BCAS3: variants seen among roughly 807,000 people sequenced by gnomAD.
The protein encoded by BCAS3 is BCAS3 microtubule associated cell migration factor.
Under a neutral mutation model 116.1 loss-of-function variants are expected in BCAS3, and 53 were observed. The ratio of observed to expected loss-of-function variants is 0.46; its 90% CI spans 0.37 to 0.57. The LOEUF (loss-of-function observed/expected upper bound fraction) is 0.57, where lower values mean the gene tolerates loss of function less well. Among genes scored for constraint, BCAS3 ranks in the 20% least tolerant of loss-of-function variants. BCAS3 has a pLI of 0.00. For missense variants in BCAS3, 917 were observed against 1,165.4 expected (o/e 0.79, Z 3.10); for synonymous variants, 391 against 408.2 (o/e 0.96, Z 0.51).
At chr17:61,146,452 G>A (rs1017008658) in intron 22 of BCAS3, among the ~76,000 whole-genome samples, 1 of 151,882 alleles carries the variant, frequency 6.6e-6, no homozygotes, top group Non-Finnish European at 1.5e-5. Context: ...TACCAGTTTG[G>A]GTCACTCTGA....
Position 61,220,880 on chromosome 17 carries a change from C to T in BCAS3, c.2425+136316C>T, listed in dbSNP as rs1038829905. 6.6e-6 allele frequency among the ~76,000 whole-genome samples: 1 copy of T among 152,114 alleles called. No homozygotes were observed. The highest frequency in any genetic ancestry group is 1.5e-5 in the Non-Finnish European group (1 of 68,022). ...CTTTGGGAGGCCGAGGTGGGTGGAT[C>T]ACGAGGTCAGGAGATCGAGACCATC... On this transcript the variant is annotated intron_variant, in intron 22 of 23. Transcript: ENST00000407086. The surrounding 1 kb of genome is among the most constrained non-coding windows in gnomAD (Gnocchi z 4.5).
intron 6 of BCAS3, among the ~76,000 whole-genome samples, chr17:60,793,725 TGTTA>T (rs971512008): frequency 6.6e-6 from 1 of 152,232 alleles, no homozygotes; most frequent in Non-Finnish European, 1.5e-5. Flanking sequence ...CTGCAAATGC[TGTTA>T]GTTCATTCCT....
Position 61,128,593 on chromosome 17 carries a change from T to G in BCAS3, c.2425+44029T>G, listed in dbSNP as rs1375936103. 1.3e-5 allele frequency: 13 copies of G among 985,104 alleles called. No homozygotes were observed. Among genetic ancestry groups the G allele is most frequent in the Non-Finnish European group, 3.6e-6 (3 of 829,810 alleles). The allele number at this position is 985,104 out of a possible 1,614,324, so 61.0% of individuals were successfully genotyped here. A position where few individuals can be genotyped will look rare whatever the true frequency, so the allele number is the denominator to read the frequency against. On this transcript the variant is annotated intron_variant, in intron 22 of 23. Transcript: ENST00000407086. This position sits in a 1 kb window ranked among gnomAD's most constrained non-coding sequence, Gnocchi z 4.1. ...CCCAGCACTTATAAAATAAAAAAAG[T>G]ATGGAGAGAGAGAAAGCAAGTAACC...
chr17:61,294,250 A>G (rs1568776143), intron 22 of BCAS3, among the ~76,000 whole-genome samples: 1 of 150,886 alleles, frequency 6.6e-6, no homozygotes, highest in Non-Finnish European at 1.5e-5. Flanking sequence ...GCAATATAAT[A>G]TCATATGTTT....
rs564356849 is a variant in BCAS3 at position 61,144,861 on chromosome 17, G to T, written c.2425+60297G>T. ...TGAAATAATGATGCTGCTAAGATTC[G>T]CAGATTAAGATCATTATAGCATTTG... On this transcript the variant is annotated intron_variant, in intron 22 of 23. Coordinates refer to ENST00000407086, the MANE Select transcript of BCAS3 (RefSeq NM_017679.5). The surrounding 1 kb of genome is among the most constrained non-coding windows in gnomAD (Gnocchi z 5.0). Among the ~76,000 whole-genome samples, 2 of 152,130 alleles carry T rather than the reference G, an allele frequency of 1.3e-5. No individual in the cohort carries two copies. Among genetic ancestry groups the T allele is most frequent in the African/African-American group, 4.8e-5 (2 of 41,430 alleles).
At chr17:60,804,846 G>A (rs1216145645) in intron 6 of BCAS3, among the ~76,000 whole-genome samples, 1 of 152,022 alleles carries the variant, frequency 6.6e-6, no homozygotes. Flanking sequence ...GTCAATATAT[G>A]TAGTTAAATT....
intron 7 of BCAS3, among the ~76,000 whole-genome samples, chr17:60,825,897 A>G (rs1598974775): frequency 7.1e-6 from 1 of 140,670 alleles, no homozygotes; most frequent in East Asian, 2.0e-4. Context: ...TCGCACCGTC[A>G]CCCAGGCTGG....
chr17:61,246,623 GCC>G lies in BCAS3; in HGVS notation c.2426-121703_2426-121702del, dbSNP rs1418588657. Among the ~76,000 whole-genome samples, 3 of 152,140 alleles carry G rather than the reference GCC, an allele frequency of 2.0e-5. No individual in the cohort carries two copies. In the East Asian group the frequency reaches 5.8e-4, roughly 29 times the overall value. ...TGGCACCTGACACGGCATCACTGGA[GCC>G]TGTGTACTGGAATTAGACCAGTTGC... On this transcript the variant is annotated intron_variant, in intron 22 of 23. Coordinates refer to ENST00000407086, the MANE Select transcript of BCAS3 (RefSeq NM_017679.5).
chr17:61,280,351 C>T (rs2051134184), intron 22 of BCAS3, among the ~76,000 whole-genome samples: 1 of 152,154 alleles, frequency 6.6e-6, no homozygotes, highest in Admixed American at 6.5e-5. Context: ...AACAGTAGTC[C>T]ACCTCAAAGA....
At chr17:60,822,657 T>C (rs2050063240) in intron 7 of BCAS3, among the ~76,000 whole-genome samples, 1 of 152,226 alleles carries the variant, frequency 6.6e-6, no homozygotes, top group African/African-American at 2.4e-5. Flanking sequence ...AAGAATATTG[T>C]ATCAAACTAC....
chr17:61,246,992 C>G (rs1223876451), intron 22 of BCAS3, among the ~76,000 whole-genome samples: 1 of 152,036 alleles, frequency 6.6e-6, no homozygotes, highest in African/African-American at 2.4e-5. Context: ...ATTGAAATGT[C>G]TTAGACTTTA....
rs2071638591 is a variant in BCAS3, at chr17:61,073,559, A to C, written c.2030-1361A>C. 6.6e-6 allele frequency among the ~76,000 whole-genome samples: 1 copy of C among 152,174 alleles called. No homozygotes were observed. Among genetic ancestry groups the C allele is most frequent in the Admixed American group, 6.5e-5 (1 of 15,282 alleles). ...TAAGTGTATAACTCTTTCTGGGAAC[A>C]TATATTAAGAAATTTATATATTTAC... On this transcript the variant is annotated intron_variant, in intron 19 of 23. Coordinates refer to ENST00000407086, the MANE Select transcript of BCAS3 (RefSeq NM_017679.5). This position sits in a 1 kb window ranked among gnomAD's most constrained non-coding sequence, Gnocchi z 4.6.
At position 61,357,172 on chromosome 17, in the gene BCAS3, A is replaced by G. The variant is rs2058183650; in HGVS notation, c.2426-11155A>G. 3.3e-5 allele frequency among the ~76,000 whole-genome samples: 5 copies of G among 151,312 alleles called. No homozygotes were observed. The South Asian group carries it at 1.0e-3, about 31-fold the overall frequency. ...TGTAATCCCAGCACTTCAGGAGGCC[A>G]AGGCAGGAGCATCACTGGAAGCCAA... On this transcript the variant is annotated intron_variant, in intron 22 of 23. Transcript: ENST00000407086.
At chr17:61,172,760 C>T (rs944737422) in intron 22 of BCAS3, among the ~76,000 whole-genome samples, 5 of 151,192 alleles carry the variant, frequency 3.3e-5, no homozygotes, top group Admixed American at 2.6e-4. Flanking sequence ...CCAAGGCGGG[C>T]GGATCACGAG....
rs2077817372 is a variant in BCAS3, at chr17:61,156,077, C to T, written c.2425+71513C>T. ...CACCAGGCATTCAAAGGAAGAAAAG[C>T]ATTTGCTGAGATTCACCTATCAGCA... On this transcript the variant is annotated intron_variant, in intron 22 of 23. Transcript: ENST00000407086. This position sits in a 1 kb window ranked among gnomAD's most constrained non-coding sequence, Gnocchi z 4.7. Among the ~76,000 whole-genome samples the T allele has an allele frequency of 1.3e-5, 2 of 151,766 alleles. No individual in the cohort carries two copies.
chr17:61,045,870 TA>T (rs2068046125), intron 19 of BCAS3, among the ~76,000 whole-genome samples: 1 of 50,232 alleles, frequency 2.0e-5, no homozygotes, highest in Non-Finnish European at 2.9e-5. Context: ...TATATAAATA[TA>T]TATAAATATA....
At chr17:61,069,133 TAGA>T (rs2071043315) in intron 19 of BCAS3, among the ~76,000 whole-genome samples, 2 of 151,340 alleles carry the variant, frequency 1.3e-5, no homozygotes, top group South Asian at 2.1e-4. Context: ...TGGGAAATAG[TAGA>T]AGGAGAGATG....
intron 4 of BCAS3, among the ~76,000 whole-genome samples, chr17:60,697,446 G>A (rs999602033): frequency 6.6e-6 from 1 of 151,966 alleles, no homozygotes; most frequent in Non-Finnish European, 1.5e-5. Flanking sequence ...AGCTGGGCAT[G>A]GTGGCAGGTG....
rs954196853 is a variant in BCAS3, at chr17:61,348,227, A to G, written c.2426-20100A>G. Among the ~76,000 whole-genome samples the G allele has an allele frequency of 1.3e-5, 2 of 152,184 alleles. No individual in the cohort carries two copies. The highest frequency in any genetic ancestry group is 2.1e-4 in the South Asian group (1 of 4,830). On this transcript the variant is annotated intron_variant, in intron 22 of 23. Coordinates refer to ENST00000407086, the MANE Select transcript of BCAS3 (RefSeq NM_017679.5). The surrounding 1 kb of genome is among the most constrained non-coding windows in gnomAD (Gnocchi z 4.5). Reference sequence around the variant, plus strand: ...GGATGGACGGGCGATGTTTGGGCCAATGAGAAGATGGTGTTGCCACCCACC... The same window carrying G: ...GGATGGACGGGCGATGTTTGGGCCAGTGAGAAGATGGTGTTGCCACCCACC...
Sources: allele counts gnomAD v4.1 joint callset (sites outside exome capture counted in the v4.1 genomes callset), GRCh38; gene constraint gnomAD v4.1.1; non-coding constraint Gnocchi (gnomAD v3.1); transcripts MANE v1.5; gene names NCBI Gene and HGNC (gene_info 2026-07-23, HGNC 2026-07-21).